The following CREBL2 variants were observed in gnomAD, a reference collection of about 807,000 sequenced individuals.
CREBL2 encodes cAMP responsive element binding protein like 2, also known as cAMP-responsive element-binding protein-like 2.
CREBL2 carries 4 observed loss-of-function variants against 19.5 expected under a neutral mutation model. The observed-to-expected ratio is 0.20, with a 90% CI of 0.10 to 0.47. CREBL2 has a LOEUF of 0.47. Ranked by LOEUF, CREBL2 falls within the 20% of genes least tolerant of loss-of-function variation. CREBL2 has a pLI of 0.98. For missense variants in CREBL2, 85 were observed against 145.1 expected (o/e 0.59, Z 2.13); for synonymous variants, 42 against 46.6 (o/e 0.90, Z 0.40).
chr12:12,635,643 A>G (rs987925805), intron 1 of CREBL2, 134 bp from the exon 2 acceptor site: 10 of 1,007,962 alleles, frequency 9.9e-6, no homozygotes, highest in African/African-American at 1.6e-5. Context: ...ATTTGATGGG[A>G]TTATGCTTTC....
chr12:12,624,621 A>G (rs1396043682), intron 1 of CREBL2, among the ~76,000 whole-genome samples: 5 of 152,200 alleles, frequency 3.3e-5, no homozygotes, highest in Non-Finnish European at 7.3e-5. Flanking sequence ...GCCCAATGGC[A>G]GCATCCAGGT....
chr12:12,616,801 T>C (rs1566103768), intron 1 of CREBL2, among the ~76,000 whole-genome samples: 1 of 152,102 alleles, frequency 6.6e-6, no homozygotes, highest in Non-Finnish European at 1.5e-5. Context: ...TTTTCTTCAG[T>C]GTAAGGGAAG....
At position 12,611,923 on chromosome 12, in the gene CREBL2, T is replaced by C. The variant is rs1021723470; in HGVS notation, c.-250T>C. Reference sequence around the variant, plus strand: ...GTCTGTAAACACCCAGAGACTGTCATGGAGGGGGAGGAGGAGGCGGCGGCG... The same window carrying C: ...GTCTGTAAACACCCAGAGACTGTCACGGAGGGGGAGGAGGAGGCGGCGGCG... On this transcript the variant is annotated 5_prime_UTR_variant, in exon 1 of 4. An upstream start codon of the reference 5' UTR is lost. Coordinates refer to ENST00000228865, the MANE Select transcript of CREBL2 (RefSeq NM_001310.4). 2.8e-5 allele frequency: 16 copies of C among 574,280 alleles called. No individual in the cohort carries two copies. Among genetic ancestry groups the C allele is most frequent in the Admixed American group, 2.6e-4 (8 of 30,456 alleles). 35.6% of individuals were successfully genotyped at this position (574,280 alleles called of 1,614,324 possible). A position where few individuals can be genotyped will look rare whatever the true frequency, so the allele number is the denominator to read the frequency against.
intron 3 of CREBL2, among the ~76,000 whole-genome samples, chr12:12,639,671 G>A (rs1945502822): frequency 6.6e-6 from 1 of 152,106 alleles, no homozygotes; most frequent in Non-Finnish European, 1.5e-5. Context: ...TTCTATTGGG[G>A]GAACCTGCCC....
At chr12:12,626,889 AAAAG>A (rs533020124) in intron 1 of CREBL2, among the ~76,000 whole-genome samples, 5,086 of 151,172 alleles carry the variant, frequency 0.034, 100 homozygotes, top group Non-Finnish European at 0.051. Flanking sequence ...AAAAGAAAAG[AAAAG>A]AAAGAAAGAA....
chr12:12,621,076 A>G (rs1207684230), intron 1 of CREBL2, among the ~76,000 whole-genome samples: 1 of 152,254 alleles, frequency 6.6e-6, no homozygotes, highest in Non-Finnish European at 1.5e-5. Context: ...ATTTTGGTAC[A>G]GCTAGAGAAG....
chr12:12,639,664 T>C (rs1054099278), intron 3 of CREBL2, among the ~76,000 whole-genome samples: 3 of 152,216 alleles, frequency 2.0e-5, no homozygotes, highest in African/African-American at 7.2e-5. Context: ...GTAACAGTTC[T>C]ATTGGGGGAA....
chr12:12,628,404 A>G (rs935066143), intron 1 of CREBL2, among the ~76,000 whole-genome samples: 12 of 152,086 alleles, frequency 7.9e-5, no homozygotes, highest in South Asian at 2.1e-4. Context: ...TGTATTCTAG[A>G]TACAAGTCCC....
chr12:12,617,643 C>CTTTTTTTTTTTTTTTTTTTT lies in CREBL2; in HGVS notation c.15+5475_15+5494dup, dbSNP rs66943066. On this transcript the variant is annotated intron_variant, in intron 1 of 3. Transcript: ENST00000228865. ...CCCTGAGATGCTCATTTTAGTAATT[C>CTTTTTTTTTTTTTTTTTTTT]TTTTTTTTTTTTTTTTTTTTTTTTT... Among the ~76,000 whole-genome samples, 19 of 38,766 alleles carry CTTTTTTTTTTTTTTTTTTTT rather than the reference C, an allele frequency of 4.9e-4. 6 individuals carry two copies. Among genetic ancestry groups the CTTTTTTTTTTTTTTTTTTTT allele is most frequent in the Non-Finnish European group, 7.5e-4 (14 of 18,568 alleles). 25.4% of individuals were successfully genotyped at this position (38,766 alleles called of 152,430 possible).
intron 1 of CREBL2, among the ~76,000 whole-genome samples, chr12:12,620,242 CTTTTTTT>C (rs67066272): frequency 6.8e-6 from 1 of 148,128 alleles, no homozygotes; most frequent in Non-Finnish European, 1.5e-5. Context: ...TTTTCTTTTT[CTTTTTTT>C]TTTTGAGACG....
intron 1 of CREBL2, among the ~76,000 whole-genome samples, chr12:12,635,187 C>T (rs565125892): frequency 6.6e-6 from 1 of 151,968 alleles, no homozygotes; most frequent in African/African-American, 2.4e-5. Context: ...TGGTGAAACC[C>T]CATCTCTAAA....
At chr12:12,624,689 T>C (rs746634531) in intron 1 of CREBL2, among the ~76,000 whole-genome samples, 3 of 152,234 alleles carry the variant, frequency 2.0e-5, no homozygotes, top group Non-Finnish European at 4.4e-5. Flanking sequence ...CTTTGAGCTC[T>C]GCCATCCGTG....
intron 1 of CREBL2, among the ~76,000 whole-genome samples, chr12:12,618,678 G>C (rs1358238423): frequency 6.6e-6 from 1 of 152,236 alleles, no homozygotes; most frequent in African/African-American, 2.4e-5. Context: ...GCCAAGGCAG[G>C]CGGCTGGGAG....
At chr12:12,612,505 T>C (rs2136297021) in intron 1 of CREBL2, among the ~76,000 whole-genome samples, 1 of 152,320 alleles carries the variant, frequency 6.6e-6, no homozygotes, top group East Asian at 1.9e-4. Context: ...TGCACTTTTT[T>C]GCTGCCTCCT....
intron 2 of CREBL2, among the ~76,000 whole-genome samples, chr12:12,636,481 G>A (rs1230504519): frequency 3.9e-5 from 6 of 151,932 alleles, no homozygotes; most frequent in East Asian, 1.9e-4. Context: ...AGTGCAGGGC[G>A]CGATCTCAGC....
intron 1 of CREBL2, among the ~76,000 whole-genome samples, chr12:12,629,535 T>C (rs1447334937): frequency 6.6e-6 from 1 of 152,204 alleles, no homozygotes; most frequent in Non-Finnish European, 1.5e-5. Flanking sequence ...AGAATTCTTT[T>C]GGATTGGATT....
chr12:12,641,253 A>ATTATTATTTTTTT (rs1478394376), intron 3 of CREBL2, among the ~76,000 whole-genome samples: 3 of 78,262 alleles, frequency 3.8e-5, no homozygotes, highest in Non-Finnish European at 7.5e-5. Flanking sequence ...TATTATTATT[A>ATTATTATTTTTTT]TTTTTTTTTA....
intron 1 of CREBL2, among the ~76,000 whole-genome samples, chr12:12,616,128 ATTCT>A (rs1945309826): frequency 6.6e-6 from 1 of 152,234 alleles, no homozygotes; most frequent in African/African-American, 2.4e-5. Context: ...TTCAGAATAT[ATTCT>A]TTCTGATTTT....
rs542629034 is a variant in CREBL2, at chr12:12,643,530, A to C, written c.*1532A>C. The C allele has an allele frequency of 6.6e-6, 1 of 152,596 alleles. No homozygotes were observed. The highest frequency in any genetic ancestry group is 1.9e-4 in the East Asian group (1 of 5,190). The allele number at this position is 152,596 out of a possible 1,614,324, so 9.5% of individuals were successfully genotyped here. On this transcript the variant is annotated 3_prime_UTR_variant, in exon 4 of 4. Coordinates refer to ENST00000228865, the MANE Select transcript of CREBL2 (RefSeq NM_001310.4). ...TAGTCTAGATTGTCTTTGAGGTAGA[A>C]TATATGATGGACCACATAGTTTAAG... is the stretch of plus-strand genomic sequence containing the variant.
Sources: gnomAD v4.1 joint callset for allele counts (sites outside exome capture counted in the v4.1 genomes callset) on GRCh38, gnomAD v4.1.1 for gene constraint, MANE v1.5 for transcripts, NCBI Gene and HGNC (gene_info 2026-07-23, HGNC 2026-07-21) for gene names.